ZNHIT6: variants seen among roughly 807,000 people sequenced by gnomAD.
The protein encoded by ZNHIT6 is box C/D snoRNA protein 1.
Under a neutral mutation model 57.2 loss-of-function variants are expected in ZNHIT6, and 45 were observed. The ratio of observed to expected loss-of-function variants is 0.79; its 90% CI spans 0.62 to 1.01. The LOEUF (loss-of-function observed/expected upper bound fraction) is 1.01. Among genes scored for constraint, ZNHIT6 ranks in the 50% least tolerant of loss-of-function variants. The probability of loss-of-function intolerance (pLI) is 0.00; values close to 1 mark genes in which losing one functional copy is unlikely to be tolerated. For missense variants in ZNHIT6, 528 were observed against 567.3 expected (o/e 0.93, Z 0.70); for synonymous variants, 188 against 190.0 (o/e 0.99, Z 0.09).
chr1:85,701,381 A>G (rs1265912586), intron 5 of ZNHIT6, among the ~76,000 whole-genome samples: 6 of 152,194 alleles, frequency 3.9e-5, no homozygotes, highest in African/African-American at 1.4e-4. Context: ...TCAAGTTTTT[A>G]AAAATTCTAA....
At chr1:85,677,476 A>G (rs530201480) in intron 7 of ZNHIT6, among the ~76,000 whole-genome samples, 163 bp from the exon 8 acceptor site, 1 of 152,300 alleles carries the variant, frequency 6.6e-6, no homozygotes, top group South Asian at 2.1e-4. Context: ...TGAAAAGAAA[A>G]TAATTTTTTT....
rs1436845422 is a variant in ZNHIT6 at position 85,707,965 on chromosome 1, A to C, written c.320T>G (p.Val107Gly). Residue 107 changes from valine (V) to glycine (G), a missense_variant, in exon 1 of 10, where the codon GTG becomes GGG. By Grantham distance (109) the Val-to-Gly change is moderately radical (BLOSUM62 -3). Transcript: ENST00000370574. ...VEQEVEDRPE[V>G]KDENAGVLEV... is the part of the protein sequence containing the mutation. ...CAATACGCCTGCGTTCTCATCCTTCACCTCAGGCCTATCCTCCACCTCCTG... is the reference window on the plus strand; with the variant it reads ...CAATACGCCTGCGTTCTCATCCTTCCCCTCAGGCCTATCCTCCACCTCCTG... The C allele has an allele frequency of 4.3e-6, 7 of 1,612,766 alleles. No homozygotes were observed. The highest frequency in any genetic ancestry group is 1.3e-5 in the African/African-American group (1 of 74,396).
chr1:85,672,366 A>G (rs1661581577), intron 8 of ZNHIT6, among the ~76,000 whole-genome samples: 1 of 152,136 alleles, frequency 6.6e-6, no homozygotes. Flanking sequence ...GTCTTGAACT[A>G]ACTCTTCAAC....
intron 8 of ZNHIT6, among the ~76,000 whole-genome samples, chr1:85,665,538 C>A (rs1661348510): frequency 6.6e-6 from 1 of 152,088 alleles, no homozygotes; most frequent in Non-Finnish European, 1.5e-5. Context: ...GTGATAAGAA[C>A]ACTTAAAATG....
chr1:85,656,752 C>T (rs1327618593), intron 9 of ZNHIT6, among the ~76,000 whole-genome samples: 2 of 152,026 alleles, frequency 1.3e-5, no homozygotes, highest in African/African-American at 4.8e-5. Flanking sequence ...TTATTAGAAA[C>T]ATCATGTTTG....
At chr1:85,680,684 G>T in intron 6 of ZNHIT6, 152 bp downstream of exon 6, 1 of 536,050 alleles carries the variant, frequency 1.9e-6, no homozygotes, top group Non-Finnish European at 3.2e-6. Context: ...GTGCATAGCT[G>T]TAGTTCATTT....
In ZNHIT6 at chr1:85,651,756, C is replaced by T. The variant is rs1660917052; in HGVS notation, c.*2302G>A. 1 of 152,074 alleles carries T rather than the reference C, an allele frequency of 6.6e-6. No homozygotes were observed. Among genetic ancestry groups the T allele is most frequent in the South Asian group, 2.1e-4 (1 of 4,824 alleles). 9.4% of individuals were successfully genotyped at this position (152,074 alleles called of 1,614,324 possible). A position where few individuals can be genotyped will look rare whatever the true frequency, so the allele number is the denominator to read the frequency against. On this transcript the variant is annotated 3_prime_UTR_variant, in exon 10 of 10. Transcript: ENST00000370574. ...TAACATGGGTCAAGGAGTTTGTTTA[C>T]ACACCAGAATTTGACAATAAGCTAA...
chr1:85,688,852 G>GAA (rs150824002), intron 5 of ZNHIT6, among the ~76,000 whole-genome samples: 9,170 of 150,188 alleles, frequency 0.061, 351 homozygotes, highest in African/African-American at 0.11. Context: ...TAAAGAATCA[G>GAA]AAAAAAAAAT....
chr1:85,684,426 GA>G (rs1426879834), intron 5 of ZNHIT6, among the ~76,000 whole-genome samples: 2 of 152,166 alleles, frequency 1.3e-5, no homozygotes, highest in Non-Finnish European at 2.9e-5. Flanking sequence ...CTGGTTCTCT[GA>G]AGGGCCAACA....
chr1:85,705,475 C>G (rs1185212229), intron 4 of ZNHIT6, among the ~76,000 whole-genome samples: 1 of 152,140 alleles, frequency 6.6e-6, no homozygotes, highest in African/African-American at 2.4e-5. Context: ...CTCAGCCTCC[C>G]AAAGTGTTTG....
At chr1:85,676,692 A>T (rs1055164771) in intron 8 of ZNHIT6, among the ~76,000 whole-genome samples, 1 of 152,040 alleles carries the variant, frequency 6.6e-6, no homozygotes, top group African/African-American at 2.4e-5. Context: ...CAGTCAGAAC[A>T]CACACATTTA....
rs1221748871 is a variant in ZNHIT6, at chr1:85,706,450, A to G, written c.714T>C (p.Tyr238=). The stretch of plus-strand genomic sequence containing the variant: ...GGAAGTTACATGTATACCTGCAGGA[A>G]TATCGCATACAACGTGGACATCTGT... ...AKYRCPRCMR[Y]SCSLPCVKKH... The change falls in exon 2 of 10, where the codon TAT becomes TAC. Residue 238 remains tyrosine (Y), a synonymous_variant. Transcript: ENST00000370574. The G allele has an allele frequency of 6.2e-6, 10 of 1,611,498 alleles. No homozygotes were observed. Among genetic ancestry groups the G allele is most frequent in the Non-Finnish European group, 8.5e-6 (10 of 1,179,482 alleles).
At chr1:85,691,828 G>A (rs1052378246) in intron 5 of ZNHIT6, among the ~76,000 whole-genome samples, 1 of 152,144 alleles carries the variant, frequency 6.6e-6, no homozygotes, top group African/African-American at 2.4e-5. Flanking sequence ...GGAGATTGCA[G>A]AGCGCTAAGA....
At chr1:85,658,120 T>C (rs1481126537) in intron 8 of ZNHIT6, 149 bp from the exon 9 acceptor site, 5 of 502,950 alleles carry the variant, frequency 9.9e-6, no homozygotes, top group Non-Finnish European at 1.7e-5. Flanking sequence ...GTAAGTTTAA[T>C]ACCTTCTAAG....
In ZNHIT6 at chr1:85,657,884, C is replaced by T. The variant is rs1368854385; in HGVS notation, c.1335G>A (p.Leu445=). 3 of 1,608,548 alleles carry T rather than the reference C, an allele frequency of 1.9e-6. No homozygotes were observed. Among genetic ancestry groups the T allele is most frequent in the Admixed American group, 1.7e-5 (1 of 59,598 alleles). ...CTTTCATGTCATTATTGGATCCTTT[C>T]AATACCACATGTAATGTTGGATACT... ...IIEYPTLHVV[L]KGSNNDMKVL... Residue 445 remains leucine, a synonymous_variant, in exon 9 of 10, where the codon TTG becomes TTA. Coordinates refer to ENST00000370574, the MANE Select transcript of ZNHIT6 (RefSeq NM_017953.4).
intron 5 of ZNHIT6, among the ~76,000 whole-genome samples, 155 bp from the exon 6 acceptor site, chr1:85,681,059 T>G (rs1661860732): frequency 6.6e-6 from 1 of 152,192 alleles, no homozygotes; most frequent in Admixed American, 6.5e-5. Flanking sequence ...TTGCAAGGGT[T>G]ATTAAGAAAG....
At chr1:85,678,461 G>A (rs1661769095) in intron 7 of ZNHIT6, among the ~76,000 whole-genome samples, 1 of 152,072 alleles carries the variant, frequency 6.6e-6, no homozygotes, top group Admixed American at 6.5e-5. Context: ...CTACTTTTCA[G>A]AGTTATTGTG....
chr1:85,658,785 C>A (rs779527388), intron 8 of ZNHIT6, among the ~76,000 whole-genome samples: 1 of 151,876 alleles, frequency 6.6e-6, no homozygotes, highest in Non-Finnish European at 1.5e-5. Context: ...GTGGGAGAAT[C>A]GCTTGAATCC....
intron 8 of ZNHIT6, 132 bp from the exon 9 acceptor site, chr1:85,658,103 T>C: frequency 1.8e-6 from 1 of 558,522 alleles, no homozygotes; most frequent in Non-Finnish European, 2.9e-6. Context: ...TACTTCCTTA[T>C]AGCATAGTAA....
Sources: gnomAD v4.1 joint callset for allele counts (sites outside exome capture counted in the v4.1 genomes callset) on GRCh38, gnomAD v4.1.1 for gene constraint, MANE v1.5 for transcripts, NCBI Gene and HGNC (gene_info 2026-07-23, HGNC 2026-07-21) for gene names.